Variants in TMEM132B observed in about 807,000 individuals in gnomAD.
TMEM132B encodes transmembrane protein 132B.
TMEM132B carries 18 observed loss-of-function variants against 90.8 expected under a neutral mutation model. The ratio of observed to expected loss-of-function variants is 0.20; its 90% CI spans 0.14 to 0.29. The LOEUF (loss-of-function observed/expected upper bound fraction) is 0.29. Ranked by LOEUF, TMEM132B falls within the 10% of genes least tolerant of loss-of-function variation. The probability of loss-of-function intolerance (pLI) is 1.00; values close to 1 mark genes in which losing one functional copy is unlikely to be tolerated. For synonymous variants in TMEM132B, 504 were observed against 523.3 expected (o/e 0.96, Z 0.50); for missense variants, 1,096 against 1,326.8 (o/e 0.83, Z 2.70).
chr12:125,556,671 G>A (rs1011689007), intron 4 of TMEM132B, among the ~76,000 whole-genome samples: 5 of 152,196 alleles, frequency 3.3e-5, no homozygotes, highest in South Asian at 2.1e-4. Context: ...GCATCAGGGC[G>A]AGCTTCTTTG....
intron 3 of TMEM132B, among the ~76,000 whole-genome samples, chr12:125,517,346 T>TGCA (rs1566060748): frequency 2.2e-4 from 18 of 82,460 alleles, no homozygotes; most frequent in Non-Finnish European, 3.0e-4. Flanking sequence ...TTTTTTTTTT[T>TGCA]TTTTTTTTTT....
intron 3 of TMEM132B, among the ~76,000 whole-genome samples, chr12:125,471,041 G>A (rs140706820): frequency 9.2e-5 from 14 of 152,346 alleles, no homozygotes; most frequent in Non-Finnish European, 1.6e-4. Context: ...GGAGCTGGCC[G>A]GCGCCCATGT....
At chr12:125,323,152 T>G (rs1876474105) in intron 1 of TMEM132B, among the ~76,000 whole-genome samples, 1 of 152,160 alleles carries the variant, frequency 6.6e-6, no homozygotes, top group African/African-American at 2.4e-5. Context: ...CGAAAATGAC[T>G]GGCCAGTGTG....
chr12:125,571,422 T>C (rs1209290417), intron 4 of TMEM132B, among the ~76,000 whole-genome samples: 1 of 152,226 alleles, frequency 6.6e-6, no homozygotes, highest in African/African-American at 2.4e-5. Flanking sequence ...GGTTATCAAA[T>C]GTTGATACCT....
intron 3 of TMEM132B, among the ~76,000 whole-genome samples, chr12:125,452,391 C>T (rs1331366381): frequency 6.6e-6 from 1 of 152,202 alleles, no homozygotes; most frequent in Non-Finnish European, 1.5e-5. Context: ...CTTGCATTGA[C>T]AGACATTTAG....
intron 5 of TMEM132B, among the ~76,000 whole-genome samples, chr12:125,603,435 T>G (rs1885616135): frequency 6.6e-6 from 1 of 152,144 alleles, no homozygotes; most frequent in South Asian, 2.1e-4. Flanking sequence ...CCTTACACCT[T>G]ATACAAAAAT....
Position 125,602,720 on chromosome 12 carries a change from G to A in TMEM132B, c.1437+18726G>A, listed in dbSNP as rs572984958. ...GATTCTATATTTTTAGAAAACCCCA[G>A]CATCTCAGCCCAAAAACTCCTTAAG... is the stretch of plus-strand genomic sequence containing the variant. On this transcript the variant is annotated intron_variant, in intron 5 of 8. Coordinates refer to ENST00000682704, the MANE Select transcript of TMEM132B (RefSeq NM_001366854.1). 1.4e-4 allele frequency among the ~76,000 whole-genome samples: 21 copies of A among 152,228 alleles called. 1 individual carries two copies. In the South Asian group the frequency reaches 4.4e-3, roughly 32 times the overall value.
chr12:125,206,324 C>T (rs1234290728), intron 1 of TMEM132B, among the ~76,000 whole-genome samples: 1 of 150,434 alleles, frequency 6.6e-6, no homozygotes, highest in Non-Finnish European at 1.5e-5. Flanking sequence ...CTGCAACCTC[C>T]GCCTCCCGGG....
In TMEM132B at chr12:125,341,928, A is replaced by G. The variant is rs948290080; in HGVS notation, c.68-7524A>G. The stretch of plus-strand genomic sequence containing the variant: ...CTGAATCCCATGATCCCATATTTTC[A>G]GCTATCTCTCTACCAGTCTTCCCTT... On this transcript the variant is annotated intron_variant, in intron 1 of 8. Transcript: ENST00000682704. 5.3e-4 allele frequency among the ~76,000 whole-genome samples: 80 copies of G among 152,202 alleles called. 2 individuals carry two copies. Among genetic ancestry groups the G allele is most frequent in the Admixed American group, 5.2e-3 (80 of 15,278 alleles).
chr12:125,616,111 C>A (rs1164924207), intron 5 of TMEM132B, among the ~76,000 whole-genome samples: 3 of 128,366 alleles, frequency 2.3e-5, no homozygotes, highest in Non-Finnish European at 4.8e-5. Flanking sequence ...ACAATAGGCC[C>A]CAGTGTGTGA....
At chr12:125,518,721 CCAA>C (rs1383938871) in intron 3 of TMEM132B, among the ~76,000 whole-genome samples, 1 of 152,224 alleles carries the variant, frequency 6.6e-6, no homozygotes, top group African/African-American at 2.4e-5. Flanking sequence ...GAAGAATTCA[CCAA>C]CTTCATAGCC....
intron 4 of TMEM132B, among the ~76,000 whole-genome samples, chr12:125,540,981 A>G (rs185583792): frequency 6.6e-6 from 1 of 152,110 alleles, no homozygotes; most frequent in Non-Finnish European, 1.5e-5. Context: ...TGTGCCATAC[A>G]TGGTCTTGCT....
At chr12:125,442,247 A>C (rs1880895306) in intron 3 of TMEM132B, among the ~76,000 whole-genome samples, 1 of 152,248 alleles carries the variant, frequency 6.6e-6, no homozygotes, top group African/African-American at 2.4e-5. Context: ...GAGGAAATAG[A>C]GGCAGGAAAT....
chr12:125,585,839 G>C (rs1366858668), intron 5 of TMEM132B: 1 of 152,212 alleles, frequency 6.6e-6, no homozygotes, highest in Non-Finnish European at 1.5e-5. Context: ...TTATTGCCCA[G>C]TCTTCAGAGG....
At chr12:125,279,791 A>C (rs12368805) in intron 1 of TMEM132B, among the ~76,000 whole-genome samples, 24,048 of 152,058 alleles carry the variant, frequency 0.16, 2,429 homozygotes, top group African/African-American at 0.28. Context: ...GTCTTGAGAA[A>C]CCCTCTAACA....
chr12:125,361,398 C>T (rs1877953223), intron 2 of TMEM132B, among the ~76,000 whole-genome samples: 1 of 152,142 alleles, frequency 6.6e-6, no homozygotes, highest in African/African-American at 2.4e-5. Flanking sequence ...CATGATCCCC[C>T]ATTTCAAAGG....
intron 3 of TMEM132B, among the ~76,000 whole-genome samples, chr12:125,515,158 G>A (rs144126751): frequency 0.014 from 2,172 of 152,016 alleles, 137 homozygotes; most frequent in Admixed American, 0.11. Context: ...ACATATGTTC[G>A]CACATTCTCT....
intron 3 of TMEM132B, among the ~76,000 whole-genome samples, chr12:125,505,700 G>GAAAA (rs34696111): frequency 5.3e-5 from 7 of 130,972 alleles, no homozygotes; most frequent in African/African-American, 1.7e-4. Context: ...CCCCGTCTCA[G>GAAAA]AAAAAAAAAA....
At chr12:125,589,406 C>T (rs538752886) in intron 5 of TMEM132B, among the ~76,000 whole-genome samples, 85 of 150,170 alleles carry the variant, frequency 5.7e-4, no homozygotes, top group African/African-American at 1.9e-3. Context: ...GGCGTGAACC[C>T]GGGACGCGGA....
Sources: allele counts gnomAD v4.1 joint callset (sites outside exome capture counted in the v4.1 genomes callset), GRCh38; gene constraint gnomAD v4.1.1; transcripts MANE v1.5; gene names NCBI Gene and HGNC (gene_info 2026-07-23, HGNC 2026-07-21).